Variants in SH2D1A observed in about 807,000 individuals in gnomAD.
SH2D1A encodes SH2 domain containing 1A.
SH2D1A carries 6 observed loss-of-function variants against 10.1 expected under a neutral mutation model. The observed-to-expected ratio is 0.60, with a 90% CI of 0.33 to 1.18. The LOEUF (loss-of-function observed/expected upper bound fraction) is 1.18, where lower values mean the gene tolerates loss of function less well. Among genes scored for constraint, SH2D1A ranks in the 50% most tolerant of loss-of-function variants. The pLI is 0.04. For missense variants in SH2D1A, 51 were observed against 97.6 expected, an observed-to-expected ratio of 0.52 and a Z score of 2.01; for synonymous variants, 42 against 36.9, an observed-to-expected ratio of 1.14 and a Z score of -0.51.
Position 124,371,533 on chromosome X carries a change from C to A in SH2D1A, c.*142C>A. 5.4e-6 allele frequency: 2 copies of A among 367,592 alleles called. No homozygotes were observed. The highest frequency in any genetic ancestry group is 9.5e-5 in the South Asian group (1 of 10,518). The allele number at this position is 367,592 out of a possible 1,213,427, so 30.3% of individuals were successfully genotyped here. On this transcript the variant is annotated 3_prime_UTR_variant, in exon 4 of 4. Transcript: ENST00000371139. ...CCTGTAATGGAAGCATCTAGCATGT[C>A]GTCAAAGCTGAAATGGACTTTTGTA...
At chrX:124,347,986 C>T (rs987366242) in intron 1 of SH2D1A, among the ~76,000 whole-genome samples, 2 of 110,987 alleles carry the variant, frequency 1.8e-5, no homozygotes, top group Non-Finnish European at 3.8e-5. Context: ...CTGATAATAC[C>T]CCACAAGAGT....
chrX:124,370,609 CT>C (rs1318653425), intron 3 of SH2D1A, among the ~76,000 whole-genome samples: 2 of 111,833 alleles, frequency 1.8e-5, no homozygotes, highest in Non-Finnish European at 3.8e-5. Flanking sequence ...TAATAGGTAG[CT>C]AAGTATGATT....
chrX:124,363,009 GCAC>G (rs1299929680), intron 1 of SH2D1A, among the ~76,000 whole-genome samples: 1 of 111,031 alleles, frequency 9.0e-6, no homozygotes, highest in Non-Finnish European at 1.9e-5. Flanking sequence ...TATGTTGCTG[GCAC>G]CTCGATCTTG....
At chrX:124,364,063 T>C (rs771404254) in intron 1 of SH2D1A, among the ~76,000 whole-genome samples, 1 of 110,432 alleles carries the variant, frequency 9.1e-6, no homozygotes, top group Non-Finnish European at 1.9e-5. Context: ...CTACTCCTAC[T>C]TATATAAAAA....
rs1303880423 is a variant in SH2D1A, at chrX:124,346,695, A to G, written c.53A>G (p.Lys18Arg). The G allele has an allele frequency of 2.1e-5, 25 of 1,210,301 alleles. No individual in the cohort carries two copies. Among genetic ancestry groups the G allele is most frequent in the Non-Finnish European group, 2.8e-5 (25 of 895,073 alleles). ...AAAATCAGCAGGGAAACCGGCGAGAAGCTCCTGCTTGCCACTGGGCTGGAT... is the reference window on the plus strand; with the variant it reads ...AAAATCAGCAGGGAAACCGGCGAGAGGCTCCTGCTTGCCACTGGGCTGGAT... ...HGKISRETGEKLLLATGLDGS... is the reference protein window; with the variant it reads ...HGKISRETGERLLLATGLDGS... Residue 18 changes from lysine to arginine, a missense_variant, in exon 1 of 4, where the codon AAG becomes AGG. By Grantham distance (26) the Lys-to-Arg change is conservative (BLOSUM62 2). Transcript: ENST00000371139.
rs1174659051 is a variant in SH2D1A, at chrX:124,363,916, A to AG, written c.138-1844dup. Among the ~76,000 whole-genome samples, 282 of 85,052 alleles carry AG rather than the reference A, an allele frequency of 3.3e-3. 31 individuals are homozygous for AG. The highest frequency in any genetic ancestry group is 4.0e-3 in the Non-Finnish European group (180 of 44,559). The allele number at this position is 85,052 out of a possible 115,157, so 73.9% of individuals were successfully genotyped here. On this transcript the variant is annotated intron_variant, in intron 1 of 3. Coordinates refer to ENST00000371139, the MANE Select transcript of SH2D1A (RefSeq NM_002351.5). The stretch of plus-strand genomic sequence containing the variant: ...AAAAAAAAAAAAAAAAAAAAAAAAA[A>AG]GAAAGAAAAAGAAAAAGAAAAAAAT...
chrX:124,369,237 A>G (rs913219568), intron 2 of SH2D1A, among the ~76,000 whole-genome samples: 3 of 111,058 alleles, frequency 2.7e-5, no homozygotes, highest in East Asian at 5.6e-4. Context: ...CTGAAAAACA[A>G]CTTAAAAAAA....
chrX:124,352,333 A>G (rs1047536278), intron 1 of SH2D1A, among the ~76,000 whole-genome samples: 19 of 111,460 alleles, frequency 1.7e-4, no homozygotes, highest in Non-Finnish European at 3.4e-4. Flanking sequence ...TGGACTATCT[A>G]TTTGTCTCAA....
chrX:124,364,357 A>T, intron 1 of SH2D1A: 3 of 251,485 alleles, frequency 1.2e-5, no homozygotes, highest in Non-Finnish European at 2.2e-5. Context: ...AAGCTTATGG[A>T]ATAAGGATAT....
intron 2 of SH2D1A, among the ~76,000 whole-genome samples, chrX:124,369,607 A>C (rs1356540113): frequency 8.9e-6 from 1 of 111,917 alleles, no homozygotes; most frequent in Non-Finnish European, 1.9e-5. Flanking sequence ...TGGCGCAGGA[A>C]ATATTGTGAG....
In SH2D1A at chrX:124,371,293, C is replaced by T. The variant is rs751985570; in HGVS notation, c.347-58C>T. On this transcript the variant is annotated intron_variant, in intron 3 of 3. Coordinates refer to ENST00000371139, the MANE Select transcript of SH2D1A (RefSeq NM_002351.5). ...GGAAATTTTATAAGTTTGAGTTAATCTGTAATTTTAATAGTTTGTAAGTTT... is the reference window on the plus strand; with the variant it reads ...GGAAATTTTATAAGTTTGAGTTAATTTGTAATTTTAATAGTTTGTAAGTTT... 13 of 811,110 alleles carry T rather than the reference C, an allele frequency of 1.6e-5. No homozygotes were observed. In the African/African-American group the frequency reaches 2.7e-4, roughly 17 times the overall value. The allele number at this position is 811,110 out of a possible 1,213,427, so 66.8% of individuals were successfully genotyped here. A position where few individuals can be genotyped will look rare whatever the true frequency, so the allele number is the denominator to read the frequency against.
chrX:124,355,915 GTGT>G (rs1320724806), intron 1 of SH2D1A, among the ~76,000 whole-genome samples: 2 of 110,600 alleles, frequency 1.8e-5, no homozygotes, highest in African/African-American at 6.6e-5. Context: ...TGTTTTGTGT[GTGT>G]TTTTTTTAAT....
rs1290371898 is a variant in SH2D1A at position 124,365,811 on chromosome X, C to T, written c.188C>T (p.Ser63Phe). The T allele has an allele frequency of 8.7e-7, 1 of 1,151,281 alleles. No individual in the cohort carries two copies. The allele number at this position is 1,151,281 out of a possible 1,213,427, so 94.9% of individuals were successfully genotyped here. ...CGAGTGTCCCAGACAGAAACAGGTT[C>T]TTGGAGTGCTGAGGTATAGTTGTAT... ...TYRVSQTETG[S>F]WSAETAPGVH... is the part of the protein sequence containing the mutation. Residue 63 changes from serine to phenylalanine, a missense_variant, in exon 2 of 4, where the codon TCT (serine) becomes TTT (phenylalanine). Coordinates refer to ENST00000371139, the MANE Select transcript of SH2D1A (RefSeq NM_002351.5).
At chrX:124,349,101 T>G (rs1384144799) in intron 1 of SH2D1A, among the ~76,000 whole-genome samples, 3 of 112,477 alleles carry the variant, frequency 2.7e-5, no homozygotes, top group Non-Finnish European at 5.6e-5. Context: ...AAGTGAATCT[T>G]GCATAAATGC....
chrX:124,366,876 A>ACACAC (rs758558659), intron 2 of SH2D1A, among the ~76,000 whole-genome samples: 2 of 87,097 alleles, frequency 2.3e-5, no homozygotes, highest in Non-Finnish European at 4.6e-5. Context: ...TATACTGACA[A>ACACAC]ACACACACAC....
intron 2 of SH2D1A, among the ~76,000 whole-genome samples, chrX:124,368,947 TGA>T (rs752807138): frequency 1.8e-5 from 2 of 111,202 alleles, no homozygotes; most frequent in African/African-American, 6.5e-5. Flanking sequence ...GGAGGGTAGG[TGA>T]GAGAGTGGGG....
At chrX:124,365,654 A>G (rs1603238831) in intron 1 of SH2D1A, 107 bp from the exon 2 acceptor site, 3 of 571,836 alleles carry the variant, frequency 5.2e-6, no homozygotes, top group East Asian at 3.3e-5. Context: ...GACACCATAT[A>G]CGTGTGTCCT....
rs752455463 is a variant in SH2D1A at position 124,372,262 on chromosome X, T to A, written c.*871T>A. On this transcript the variant is annotated 3_prime_UTR_variant, in exon 4 of 4. Coordinates refer to ENST00000371139, the MANE Select transcript of SH2D1A (RefSeq NM_002351.5). ...ATGGTTGTATTATTTTTTAAAAAAA[T>A]TCCAAGTGATTGAAACCTACACGAG... 6.1e-6 allele frequency: 1 copy of A among 164,963 alleles called. No homozygotes were observed. The highest frequency in any genetic ancestry group is 8.8e-5 in the East Asian group (1 of 11,351). 13.6% of individuals were successfully genotyped at this position (164,963 alleles called of 1,213,427 possible).
intron 3 of SH2D1A, among the ~76,000 whole-genome samples, chrX:124,370,561 T>G (rs1675146738): frequency 8.9e-6 from 1 of 112,360 alleles, no homozygotes; most frequent in South Asian, 3.7e-4. Flanking sequence ...ACATTTTAAC[T>G]GCTCTTGTCT....
Sources: allele counts gnomAD v4.1 joint callset (sites outside exome capture counted in the v4.1 genomes callset), GRCh38; gene constraint gnomAD v4.1.1; transcripts MANE v1.5; gene names NCBI Gene and HGNC (gene_info 2026-07-23, HGNC 2026-07-21).